ABCA2: variants seen among roughly 807,000 people sequenced by gnomAD.
ABCA2 encodes ATP-binding cassette sub-family A member 2.
ABCA2 carries 84 observed loss-of-function variants against 262.8 expected under a neutral mutation model. The observed-to-expected ratio is 0.32, with a 90% CI of 0.27 to 0.38. The LOEUF (loss-of-function observed/expected upper bound fraction) is 0.38. Ranked by LOEUF, ABCA2 falls within the 10% of genes least tolerant of loss-of-function variation. The pLI is 1.00. For missense variants in ABCA2, 2,662 were observed against 3,405.9 expected, an observed-to-expected ratio of 0.78 and a Z score of 5.44; for synonymous variants, 1,696 against 1,502.9, an observed-to-expected ratio of 1.13 and a Z score of -2.97.
At position 137,015,004 on chromosome 9, in the gene ABCA2, G is replaced by A. The variant is rs749573562; in HGVS notation, c.3791C>T (p.Ser1264Phe). 2 of 1,601,268 alleles carry A rather than the reference G, an allele frequency of 1.2e-6. No homozygotes were observed. The highest frequency in any genetic ancestry group is 1.7e-6 in the Non-Finnish European group (2 of 1,173,640). The change falls in exon 25 of 49, where the codon TCC becomes TTC. Residue 1264 changes from serine (S) to phenylalanine (F), a missense_variant. Physicochemically the swap from Ser to Phe is radical, Grantham distance 155. Coordinates refer to ENST00000341511, the MANE Select transcript of ABCA2 (RefSeq NM_001606.5). ...VSQFIRKHVA[S>F]CLLVSDTSTE... ...GCTTGTGTCTGAGACCAGCAGGCAG[G>A]AGGCCACATGCTTGCGGATGAACTG...
rs529567954 is a variant in ABCA2, at chr9:137,016,806, G to A, written c.2759-68C>T. 2,364 of 1,539,782 alleles carry A rather than the reference G, an allele frequency of 1.5e-3. 27 individuals are homozygous for A. The South Asian group carries it at 0.017, about 11-fold the overall frequency. On this transcript the variant is annotated intron_variant, in intron 19 of 48. Coordinates refer to ENST00000341511, the MANE Select transcript of ABCA2 (RefSeq NM_001606.5). ...GGTGACCATCCACCACGTGGGCCACGTGCCCACCCAGGGAGCCACCCGTGC... is the reference window on the plus strand; with the variant it reads ...GGTGACCATCCACCACGTGGGCCACATGCCCACCCAGGGAGCCACCCGTGC...
chr9:137,025,482 T>C (rs1831624703), intron 1 of ABCA2, among the ~76,000 whole-genome samples: 1 of 152,136 alleles, frequency 6.6e-6, no homozygotes, highest in South Asian at 2.1e-4. Context: ...CCGGGCCGAG[T>C]CCCCGGTCCC....
At position 137,009,433 on chromosome 9, in the gene ABCA2, C is replaced by T. The variant is rs1423548812; in HGVS notation, c.6764G>A (p.Arg2255Gln). The T allele has an allele frequency of 3.1e-6, 5 of 1,609,776 alleles. No individual in the cohort carries two copies. Among genetic ancestry groups the T allele is most frequent in the Admixed American group, 1.7e-5 (1 of 59,962 alleles). The change falls in exon 45 of 49, where the codon CGG becomes CAG. Residue 2255 changes from arginine (R) to glutamine (Q), a missense_variant. Physicochemically the swap from Arg to Gln is conservative, Grantham distance 43. Transcript: ENST00000341511. The stretch of plus-strand genomic sequence containing the variant: ...GCGACCGTTCACCATGATGGCCAGC[C>T]GCGTGCACAGCGCCTCGCACTCCTC... ...SMEECEALCT[R>Q]LAIMVNGRLR...
Position 137,021,355 on chromosome 9 carries a change from A to G in ABCA2, c.897+37T>C. The G allele has an allele frequency of 6.3e-7, 1 of 1,593,122 alleles. No individual in the cohort carries two copies. The highest frequency in any genetic ancestry group is 8.5e-7 in the Non-Finnish European group (1 of 1,174,110). On this transcript the variant is annotated intron_variant, in intron 8 of 48. Coordinates refer to ENST00000341511, the MANE Select transcript of ABCA2 (RefSeq NM_001606.5). This position sits in a 1 kb window ranked among gnomAD's most constrained non-coding sequence, Gnocchi z 6.0. Reference sequence around the variant, plus strand: ...CAGCCCCTCCTTCAACTCAGGCAGCAAGCAGCGCAGCGGGCAGTGGGCAGG... The same window carrying G: ...CAGCCCCTCCTTCAACTCAGGCAGCGAGCAGCGCAGCGGGCAGTGGGCAGG...
upstream of ABCA2, chr9:137,028,776 A>AG: frequency 1.6e-6 from 2 of 1,288,974 alleles, no homozygotes; most frequent in South Asian, 2.6e-5. This position sits in a 1 kb window ranked among gnomAD's most constrained non-coding sequence, Gnocchi z 6.9. Flanking sequence ...AGCCAGCGGA[A>AG]GGGGGGAAAC....
Position 137,024,251 on chromosome 9 carries a change from C to T in ABCA2, c.67-15G>A. The T allele has an allele frequency of 6.3e-7, 1 of 1,598,848 alleles. No homozygotes were observed. The highest frequency in any genetic ancestry group is 8.5e-7 in the Non-Finnish European group (1 of 1,171,886). ...GCCAGGACCCACTGGAAAGGGTGGG[C>T]CCAGTGAGGGATAGGACAGACCTGT... On this transcript the variant is annotated splice_polypyrimidine_tract_variant and intron_variant, in intron 1 of 48. Transcript: ENST00000341511.
chr9:137,011,678 C>G lies in ABCA2; in HGVS notation c.5607G>C (p.Ser1869=). ...AGAGGACGGCAGGGAAGTTGGTGGG[C>G]GACGTGTAGGCCGGCAGGTCGAACA... ...LFVFDLPAYT[S]PTNFPAVLSL... Residue 1869 remains serine (S), a synonymous_variant, in exon 36 of 49, where the codon TCG becomes TCC. Transcript: ENST00000341511. This position sits in a 1 kb window ranked among gnomAD's most constrained non-coding sequence, Gnocchi z 8.8. The G allele has an allele frequency of 6.4e-7, 1 of 1,555,176 alleles. No homozygotes were observed. Among genetic ancestry groups the G allele is most frequent in the Non-Finnish European group, 8.7e-7 (1 of 1,150,022 alleles).
upstream of ABCA2, chr9:137,028,407 G>A (rs904889121): frequency 3.0e-4 from 141 of 462,586 alleles, no homozygotes; most frequent in African/African-American, 2.9e-3. The surrounding 1 kb of genome is among the most constrained non-coding windows in gnomAD (Gnocchi z 6.9). Context: ...GGACCGACCC[G>A]GGCCCGAGAC....
At chr9:137,009,144 C>A in intron 45 of ABCA2, 91 bp from the exon 46 acceptor site, 1 of 1,287,330 alleles carries the variant, frequency 7.8e-7, no homozygotes, top group South Asian at 1.3e-5. Context: ...CCCACAGGCA[C>A]CCCAGGAAGC....
At position 137,020,331 on chromosome 9, in the gene ABCA2, T is replaced by A. The variant is rs1831407595; in HGVS notation, c.1425+5A>T. The A allele has an allele frequency of 1.9e-6, 3 of 1,612,084 alleles. No individual in the cohort carries two copies. The highest frequency in any genetic ancestry group is 2.5e-6 in the Non-Finnish European group (3 of 1,179,944). On this transcript the variant is annotated splice_donor_5th_base_variant and intron_variant, in intron 10 of 48. Coordinates refer to ENST00000341511, the MANE Select transcript of ABCA2 (RefSeq NM_001606.5). The stretch of plus-strand genomic sequence containing the variant: ...TCAAACATGGAGCGTCCCAGACCCG[T>A]GCACCTTGAGGATGACGCGGTCGAC...
At chr9:137,010,904 T>TACCCTGCCCCACCCCCGCCCCG in intron 39 of ABCA2, 69 bp downstream of exon 39, 1 of 207,318 alleles carries the variant, frequency 4.8e-6, no homozygotes, top group Non-Finnish European at 8.4e-6. Flanking sequence ...CCCCCGCCCC[T>TACCCTGCCCCACCCCCGCCCCG]ACCCTGCCCC....
Position 137,020,721 on chromosome 9 carries a change from A to T in ABCA2, c.1238T>A (p.Leu413Gln). 1 of 1,601,110 alleles carries T rather than the reference A, an allele frequency of 6.2e-7. No homozygotes were observed. The highest frequency in any genetic ancestry group is 1.1e-5 in the South Asian group (1 of 90,818). The change falls in exon 9 of 49, where the codon CTG (leucine) becomes CAG (glutamine). Residue 413 changes from leucine (L) to glutamine (Q), a missense_variant. Leu to Gln is a moderately radical substitution (Grantham distance 113, BLOSUM62 -2). Around this residue, in one of 12 missense-constraint regions of ABCA2, gnomAD observed 92 missense variants for 146.7 expected, o/e 0.63. Coordinates refer to ENST00000341511, the MANE Select transcript of ABCA2 (RefSeq NM_001606.5). ...GTTGTTGCCACACAAGATGGGCTGC[A>T]GGCCGGCCCAGAGCTGTACGAAGGC... Reference protein sequence around the residue: ...CSAFVQLWAGLQPILCGNNRT... With the variant: ...CSAFVQLWAGQQPILCGNNRT...
chr9:137,014,278 G>A lies in ABCA2; in HGVS notation c.4130C>T (p.Ser1377Leu), dbSNP rs751778316. Reference protein sequence around the residue: ...TQSQASLQSASSVGSARGDEG... With the variant: ...TQSQASLQSALSVGSARGDEG... ...GTCGCCACGGGCAGAGCCCACAGAT[G>A]ACGCCGACTGCAGCGATGCCTGCGA... Residue 1377 changes from serine (S) to leucine (L), a missense_variant, in exon 27 of 49, where the codon TCA (serine) becomes TTA (leucine). Coordinates refer to ENST00000341511, the MANE Select transcript of ABCA2 (RefSeq NM_001606.5). 1.2e-6 allele frequency: 2 copies of A among 1,611,416 alleles called. No individual in the cohort carries two copies. The highest frequency in any genetic ancestry group is 2.2e-5 in the South Asian group (2 of 90,776).
intron 48 of ABCA2, 131 bp downstream of exon 48, chr9:137,008,285 T>C: frequency 1.9e-6 from 2 of 1,075,702 alleles, no homozygotes; most frequent in Non-Finnish European, 2.8e-6. Flanking sequence ...TCGCCCACTC[T>C]GCCCCCTTGA....
rs1352259573 is a variant in ABCA2 at position 137,010,216 on chromosome 9, G to A, written c.6330C>T (p.Gly2110=). Residue 2110 remains glycine (G), a synonymous_variant, in exon 41 of 49, where the codon GGC becomes GGT. Transcript: ENST00000341511. ...ACCTGTGTCCATTGACGAAGGCCTC[G>A]CCCCCCGTCGTGCTCTCGTCGCCGG... The part of the protein sequence containing the change: ...MLTGDESTTG[G]EAFVNGHSVL... The A allele has an allele frequency of 2.5e-6, 4 of 1,604,254 alleles. No individual in the cohort carries two copies. Among genetic ancestry groups the A allele is most frequent in the African/African-American group, 1.3e-5 (1 of 74,756 alleles).
chr9:137,009,323 C>G (rs753639108), intron 45 of ABCA2, 47 bp downstream of exon 45: 6 of 1,057,136 alleles, frequency 5.7e-6, no homozygotes, highest in South Asian at 2.8e-5. Flanking sequence ...GCCTGGCCGC[C>G]CCCCCCGGGC....
At position 137,015,678 on chromosome 9, in the gene ABCA2, G is replaced by T. The variant is rs1391960826; in HGVS notation, c.3511C>A (p.Pro1171Thr). The T allele has an allele frequency of 6.2e-7, 1 of 1,608,964 alleles. No individual in the cohort carries two copies. Among genetic ancestry groups the T allele is most frequent in the Non-Finnish European group, 8.5e-7 (1 of 1,178,410 alleles). The change falls in exon 23 of 49, where the codon CCA (proline) becomes ACA (threonine). Residue 1171 changes from proline to threonine, a missense_variant. By Grantham distance (38) the Pro-to-Thr change is conservative. This residue lies in a region of ABCA2 where 180 missense variants were observed against 307.3 expected (regional missense o/e 0.59). Transcript: ENST00000341511. Reference sequence around the variant, plus strand: ...GCCCACACGGCACCCCACTCACCTGGCTTGTACTTCAGGATGAGGTCCCAG... The same window carrying T: ...GCCCACACGGCACCCCACTCACCTGTCTTGTACTTCAGGATGAGGTCCCAG... ...AIWDLILKYK[P>T]GRTILLSTHH...
In ABCA2 at chr9:137,021,642, G is replaced by A. The variant is rs965085600; in HGVS notation, c.679-32C>T. ...TGGGCACAGGGGTCCGTGGAGCCAC[G>A]GCAAGGACTTTGTCCCCAACCACTA... On this transcript the variant is annotated intron_variant, in intron 7 of 48. Transcript: ENST00000341511. The surrounding 1 kb of genome is among the most constrained non-coding windows in gnomAD (Gnocchi z 6.0). The A allele has an allele frequency of 1.5e-5, 23 of 1,536,298 alleles. No homozygotes were observed. Among genetic ancestry groups the A allele is most frequent in the Non-Finnish European group, 1.6e-5 (18 of 1,141,352 alleles).
intron 1 of ABCA2, 107 bp from the exon 2 acceptor site, chr9:137,024,343 G>GT: frequency 1.0e-6 from 1 of 963,312 alleles, no homozygotes; most frequent in Non-Finnish European, 1.5e-6. Context: ...CGTGCTCCCT[G>GT]GGGCCAGGGA....
Sources: gnomAD v4.1 joint callset for allele counts (sites outside exome capture counted in the v4.1 genomes callset) on GRCh38, gnomAD v4.1.1 for gene constraint, gnomAD v4.1.1 regional missense constraint, Gnocchi (gnomAD v3.1) non-coding constraint, MANE v1.5 for transcripts, NCBI Gene and HGNC (gene_info 2026-07-23, HGNC 2026-07-21) for gene names.